The following DNM1 variants were observed in gnomAD, a reference collection of about 807,000 sequenced individuals.
DNM1 encodes dynamin-1.
A neutral mutation model predicts 104.6 loss-of-function variants in DNM1; 29 were observed. That is an observed-to-expected ratio of 0.28 (90% CI 0.21 to 0.38). The LOEUF (loss-of-function observed/expected upper bound fraction) is 0.38, where lower values mean the gene tolerates loss of function less well. Among genes scored for constraint, DNM1 ranks in the 10% least tolerant of loss-of-function variants. DNM1 has a pLI of 1.00. For synonymous variants in DNM1, 445 were observed against 475.8 expected, an observed-to-expected ratio of 0.94 and a Z score of 0.84; for missense variants, 640 against 1,189.4, an observed-to-expected ratio of 0.54 and a Z score of 6.79.
chr9:128,203,537 A>C lies in DNM1; in HGVS notation c.67A>C (p.Ile23Leu). The change falls in exon 1 of 22, where the codon ATC (isoleucine) becomes CTC (leucine). Residue 23 changes from isoleucine (I) to leucine (L), a missense_variant. Around this residue, in one of 7 missense-constraint regions of DNM1, gnomAD observed 172 missense variants for 335.3 expected, o/e 0.51. Transcript: ENST00000372923. The surrounding 1 kb of genome is among the most constrained non-coding windows in gnomAD (Gnocchi z 5.3). ...VNRLQDAFSAIGQNADLDLPQ... is the reference protein window; with the variant it reads ...VNRLQDAFSALGQNADLDLPQ... ...CCGGCTGCAAGACGCCTTCTCTGCC[A>C]TCGGCCAGAACGCGGACCTCGACCT... 6.5e-7 allele frequency: 1 copy of C among 1,546,278 alleles called. No individual in the cohort carries two copies. The highest frequency in any genetic ancestry group is 8.7e-7 in the Non-Finnish European group (1 of 1,149,550).
chr9:128,248,749 A>G lies in DNM1; in HGVS notation c.2072A>G (p.Asn691Ser). 5.6e-6 allele frequency: 9 copies of G among 1,612,764 alleles called. No individual in the cohort carries two copies. Among genetic ancestry groups the G allele is most frequent in the Non-Finnish European group, 7.6e-6 (9 of 1,178,838 alleles). Residue 691 changes from asparagine to serine, a missense_variant, in exon 19 of 22, where the codon AAC becomes AGC. Asn to Ser is a conservative substitution (Grantham distance 46). Coordinates refer to ENST00000372923, the MANE Select transcript of DNM1 (RefSeq NM_004408.4). This position sits in a 1 kb window ranked among gnomAD's most constrained non-coding sequence, Gnocchi z 5.6. ...MPKTIMHLMI[N>S]NTKEFIFSEL... ...AAGACCATCATGCACCTCATGATTAACAATGTGCGTGCTCCACTGCATGGG... is the reference window on the plus strand; with the variant it reads ...AAGACCATCATGCACCTCATGATTAGCAATGTGCGTGCTCCACTGCATGGG...
At chr9:128,244,716 C>A (rs760941457) in intron 15 of DNM1, 1 of 529,320 alleles carries the variant, frequency 1.9e-6, no homozygotes, top group Non-Finnish European at 3.9e-6. Flanking sequence ...CCAGTGGCGG[C>A]GGTGCCGAGG....
intron 10 of DNM1, among the ~76,000 whole-genome samples, chr9:128,230,924 T>G (rs546637092): frequency 6.6e-6 from 1 of 152,218 alleles, no homozygotes; most frequent in South Asian, 2.1e-4. Context: ...TGCCTCAGCC[T>G]CCTGAGTAGC....
chr9:128,221,074 T>C (rs1834993729), intron 6 of DNM1: 1 of 150,844 alleles, frequency 6.6e-6, no homozygotes, highest in African/African-American at 2.4e-5. Context: ...TCTTTCTCTC[T>C]TTCTCTCTTT....
rs1028713106 is a variant in DNM1 at position 128,203,910 on chromosome 9, A to G, written c.161+279A>G. Among the ~76,000 whole-genome samples, 1 of 152,066 alleles carries G rather than the reference A, an allele frequency of 6.6e-6. No homozygotes were observed. The highest frequency in any genetic ancestry group is 2.1e-4 in the South Asian group (1 of 4,832). On this transcript the variant is annotated intron_variant, in intron 1 of 21. Transcript: ENST00000372923. This position sits in a 1 kb window ranked among gnomAD's most constrained non-coding sequence, Gnocchi z 5.3. ...CCTTTAGGGCAGACAACGCTCTGCCAGAAGCCCCGGGCAAAGAGCTGCCCC... is the reference window on the plus strand; with the variant it reads ...CCTTTAGGGCAGACAACGCTCTGCCGGAAGCCCCGGGCAAAGAGCTGCCCC...
rs1835193866 is a variant in DNM1 at position 128,224,167 on chromosome 9, G to A, written c.1197-84G>A. On this transcript the variant is annotated intron_variant, in intron 9 of 21. Transcript: ENST00000372923. This position sits in a 1 kb window ranked among gnomAD's most constrained non-coding sequence, Gnocchi z 4.3. ...GAAGGGCCCCTCAGGCAGAGTTCGT[G>A]GGCTTGGGGAGGAGCCTCGGCCTGG... 3 of 1,516,348 alleles carry A rather than the reference G, an allele frequency of 2.0e-6. No homozygotes were observed. The East Asian group carries it at 7.0e-5, about 35-fold the overall frequency. The allele number at this position is 1,516,348 out of a possible 1,614,324, so 93.9% of individuals were successfully genotyped here. A position where few individuals can be genotyped will look rare whatever the true frequency, so the allele number is the denominator to read the frequency against.
At chr9:128,223,731 T>A (rs1835158617) in intron 9 of DNM1, 1 of 152,512 alleles carries the variant, frequency 6.6e-6, no homozygotes, top group African/African-American at 2.4e-5. Flanking sequence ...TATCAGATAC[T>A]CAACCACCTT....
At position 128,225,987 on chromosome 9, in the gene DNM1, C is replaced by T. The variant is rs562221746; in HGVS notation, c.1335+1598C>T. On this transcript the variant is annotated intron_variant, in intron 10 of 21. Transcript: ENST00000372923. ...TTGGCTTTCACCCACTTCTCCTCCCCACCCACGGCTGCTCCTCCTCCTGTC... is the reference window on the plus strand; with the variant it reads ...TTGGCTTTCACCCACTTCTCCTCCCTACCCACGGCTGCTCCTCCTCCTGTC... 3.6e-5 allele frequency: 58 copies of T among 1,595,068 alleles called. No individual in the cohort carries two copies. The Admixed American group carries it at 6.7e-4, about 19-fold the overall frequency.
Position 128,220,851 on chromosome 9 carries a change from C to T in DNM1, c.849+510C>T, listed in dbSNP as rs1341824798. Among the ~76,000 whole-genome samples the T allele has an allele frequency of 3.3e-5, 5 of 151,554 alleles. No individual in the cohort carries two copies. In the South Asian group the frequency reaches 6.3e-4, roughly 19 times the overall value. On this transcript the variant is annotated intron_variant, in intron 6 of 21. Coordinates refer to ENST00000372923, the MANE Select transcript of DNM1 (RefSeq NM_004408.4). The surrounding 1 kb of genome is among the most constrained non-coding windows in gnomAD (Gnocchi z 5.2). The stretch of plus-strand genomic sequence containing the variant: ...TCCCCCTCTGAGACACTCTCTCTGG[C>T]TCTCTGAGCCTCTATTTCTTTTTTC...
At position 128,248,955 on chromosome 9, in the gene DNM1, G is replaced by A. The variant is rs1829335980; in HGVS notation, c.2076+202G>A. 6.6e-6 allele frequency among the ~76,000 whole-genome samples: 1 copy of A among 152,126 alleles called. No homozygotes were observed. The highest frequency in any genetic ancestry group is 2.4e-5 in the African/African-American group (1 of 41,430). Reference sequence around the variant, plus strand: ...CACCTGTAATCCCAGCACTTTGGGAGGCCAAGGCAGGTGGATCACGTGAGG... The same window carrying A: ...CACCTGTAATCCCAGCACTTTGGGAAGCCAAGGCAGGTGGATCACGTGAGG... On this transcript the variant is annotated intron_variant, in intron 19 of 21. Transcript: ENST00000372923. The surrounding 1 kb of genome is among the most constrained non-coding windows in gnomAD (Gnocchi z 5.6).
rs1384636166 is a variant in DNM1 at position 128,250,217 on chromosome 9, G to A, written c.2179G>A (p.Glu727Lys). Residue 727 changes from glutamate (E) to lysine (K), a missense_variant, in exon 20 of 22, where the codon GAG becomes AAG. Coordinates refer to ENST00000372923, the MANE Select transcript of DNM1 (RefSeq NM_004408.4). Reference sequence around the variant, plus strand: ...GGCGGAGCAGGCACAGCGGCGCGACGAGATGCTGCGCATGTACCACGCACT... The same window carrying A: ...GGCGGAGCAGGCACAGCGGCGCGACAAGATGCTGCGCATGTACCACGCACT... ...ESAEQAQRRD[E>K]MLRMYHALKE... The A allele has an allele frequency of 6.2e-7, 1 of 1,614,152 alleles. No homozygotes were observed. The highest frequency in any genetic ancestry group is 8.5e-7 in the Non-Finnish European group (1 of 1,180,032).
intron 11 of DNM1, among the ~76,000 whole-genome samples, chr9:128,234,654 G>A (rs1210792714): frequency 3.3e-5 from 5 of 152,164 alleles, no homozygotes; most frequent in East Asian, 1.9e-4. Flanking sequence ...GATTACAGGC[G>A]TGAGCCACCG....
Position 128,250,786 on chromosome 9 carries a change from G to A in DNM1, c.2380G>A (p.Gly794Arg). Residue 794 changes from glycine (G) to arginine (R), a missense_variant, in exon 21 of 22, where the codon GGG (glycine) becomes AGG (arginine). Gly to Arg is a moderately radical substitution (Grantham distance 125, BLOSUM62 -2). This residue lies in a region of DNM1 where 129 missense variants were observed against 224.6 expected (regional missense o/e 0.57). Transcript: ENST00000372923. Reference sequence around the variant, plus strand: ...CCCCGCCGTGCCCCCAGCCCGGCCCGGGTCGCGGGGCCCTGCTCCTGGGCC... The same window carrying A: ...CCCCGCCGTGCCCCCAGCCCGGCCCAGGTCGCGGGGCCCTGCTCCTGGGCC... ...RAPAVPPARP[G>R]SRGPAPGPPP... 7.3e-7 allele frequency: 1 copy of A among 1,373,146 alleles called. No individual in the cohort carries two copies. Among genetic ancestry groups the A allele is most frequent in the Non-Finnish European group, 9.3e-7 (1 of 1,072,528 alleles). 85.1% of individuals were successfully genotyped at this position (1,373,146 alleles called of 1,614,324 possible). A position where few individuals can be genotyped will look rare whatever the true frequency, so the allele number is the denominator to read the frequency against.
intron 10 of DNM1, 125 bp from the exon 11 acceptor site, chr9:128,233,896 C>G (rs142424427): frequency 8.4e-6 from 7 of 835,846 alleles, no homozygotes; most frequent in Non-Finnish European, 1.4e-5. Context: ...CTCTCTTCCC[C>G]GCGTTGTGGG....
At chr9:128,246,285 A>AG in intron 15 of DNM1, 109 bp from the exon 16 acceptor site, 1 of 778,958 alleles carries the variant, frequency 1.3e-6, no homozygotes. Flanking sequence ...TCGCAGTGGG[A>AG]GGGGGCTGAT....
chr9:128,239,198 A>G (rs1836203805), intron 11 of DNM1, among the ~76,000 whole-genome samples: 1 of 151,374 alleles, frequency 6.6e-6, no homozygotes, highest in Non-Finnish European at 1.5e-5. Context: ...AGGTCTCCCT[A>G]TGTTGCCCAG....
Position 128,203,483 on chromosome 9 carries a change from G to A in DNM1, c.13G>A (p.Gly5Ser), listed in dbSNP as rs759483040. 4.6e-6 allele frequency: 7 copies of A among 1,517,968 alleles called. No homozygotes were observed. The highest frequency in any genetic ancestry group is 1.2e-5 in the South Asian group (1 of 81,192). The allele number at this position is 1,517,968 out of a possible 1,614,324, so 94.0% of individuals were successfully genotyped here. A position where few individuals can be genotyped will look rare whatever the true frequency, so the allele number is the denominator to read the frequency against. The change falls in exon 1 of 22, where the codon GGC becomes AGC. Residue 5 changes from glycine to serine, a missense_variant. Gly to Ser is a moderately conservative substitution (Grantham distance 56). Transcript: ENST00000372923. The surrounding 1 kb of genome is among the most constrained non-coding windows in gnomAD (Gnocchi z 5.3). ...GCCCGCCGCAGCCATGGGCAACCGC[G>A]GCATGGAAGATCTCATCCCGCTGGT... MGNR[G>S]MEDLIPLVNR...
In DNM1 at chr9:128,253,844, G is replaced by A. The variant is rs1346998106; in HGVS notation, c.2535-810G>A. The A allele has an allele frequency of 4.5e-6, 5 of 1,099,724 alleles. No homozygotes were observed. Among genetic ancestry groups the A allele is most frequent in the South Asian group, 4.8e-5 (1 of 21,048 alleles). 68.1% of individuals were successfully genotyped at this position (1,099,724 alleles called of 1,614,324 possible). Reference sequence around the variant, plus strand: ...TGTCCCTGGCCCCAGCTGAAGCACCGTAGCCAGCCAGCGGGCTCACGCACC... The same window carrying A: ...TGTCCCTGGCCCCAGCTGAAGCACCATAGCCAGCCAGCGGGCTCACGCACC... On this transcript the variant is annotated intron_variant, in intron 21 of 21. Coordinates refer to ENST00000372923, the MANE Select transcript of DNM1 (RefSeq NM_004408.4). The surrounding 1 kb of genome is among the most constrained non-coding windows in gnomAD (Gnocchi z 5.9).
rs2267958 is a variant in DNM1, at chr9:128,253,000, G to A, written c.2535-1654G>A. 537,943 of 1,131,364 alleles carry A rather than the reference G, an allele frequency of 0.48. 134,410 individuals are homozygous for A. The highest frequency in any genetic ancestry group is 0.52 in the South Asian group (41,600 of 80,712). The allele number at this position is 1,131,364 out of a possible 1,614,324, so 70.1% of individuals were successfully genotyped here. A position where few individuals can be genotyped will look rare whatever the true frequency, so the allele number is the denominator to read the frequency against. On this transcript the variant is annotated intron_variant, in intron 21 of 21. Coordinates refer to ENST00000372923, the MANE Select transcript of DNM1 (RefSeq NM_004408.4). ...TGTGGGCCATGGGGCCTCACAGCAT[G>A]TGTGTGCACGCCCGGGCGTGTGCGT...
Sources: allele counts gnomAD v4.1 joint callset (sites outside exome capture counted in the v4.1 genomes callset), GRCh38; gene constraint gnomAD v4.1.1; regional missense constraint gnomAD v4.1.1; non-coding constraint Gnocchi (gnomAD v3.1); transcripts MANE v1.5; gene names NCBI Gene and HGNC (gene_info 2026-07-23, HGNC 2026-07-21).